The following LRRK1 variants were observed in gnomAD, a reference collection of about 807,000 sequenced individuals.
The protein encoded by LRRK1 is leucine-rich repeat serine/threonine-protein kinase 1.
A neutral mutation model predicts 209.1 loss-of-function variants in LRRK1; 113 were observed. The ratio of observed to expected loss-of-function variants is 0.54; its 90% CI spans 0.46 to 0.63. The LOEUF (loss-of-function observed/expected upper bound fraction) is 0.63, where lower values mean the gene tolerates loss of function less well. Ranked by LOEUF, LRRK1 falls within the 30% of genes least tolerant of loss-of-function variation. The probability of loss-of-function intolerance (pLI) is 0.00; values close to 1 mark genes in which losing one functional copy is unlikely to be tolerated. For missense variants in LRRK1, 2,284 were observed against 2,632.2 expected (o/e 0.87, Z 2.89); for synonymous variants, 1,144 against 1,099.7 (o/e 1.04, Z -0.80).
At chr15:100,963,023 A>G (rs1358289694) in intron 2 of LRRK1, among the ~76,000 whole-genome samples, 2 of 150,226 alleles carry the variant, frequency 1.3e-5, no homozygotes, top group Non-Finnish European at 3.0e-5. Flanking sequence ...GGGTTTCGCC[A>G]TGTTAGCCAG....
In LRRK1 at chr15:100,988,833, T is replaced by C. The variant is rs750543176; in HGVS notation, c.613+20T>C. ...AGTCAGGTGGGTTTCCCCACTACCC[T>C]GAGTCAACCCTGACCGTGCAAACCA... On this transcript the variant is annotated intron_variant, in intron 5 of 33. Coordinates refer to ENST00000388948, the MANE Select transcript of LRRK1 (RefSeq NM_024652.6). 1.3e-6 allele frequency: 2 copies of C among 1,574,336 alleles called. No homozygotes were observed. The highest frequency in any genetic ancestry group is 1.2e-5 in the South Asian group (1 of 85,294).
intron 21 of LRRK1, among the ~76,000 whole-genome samples, chr15:101,046,772 C>G (rs921315764): frequency 6.6e-6 from 1 of 152,232 alleles, no homozygotes; most frequent in South Asian, 2.1e-4. Flanking sequence ...CAGAACTGTA[C>G]GTTGGTTCTG....
intron 2 of LRRK1, among the ~76,000 whole-genome samples, chr15:100,936,695 G>A (rs1047594731): frequency 6.6e-6 from 1 of 152,164 alleles, no homozygotes; most frequent in African/African-American, 2.4e-5. Flanking sequence ...GGGCAACTTG[G>A]GGTCTGTGGG....
Position 100,988,332 on chromosome 15 carries a change from T to G in LRRK1, c.434-302T>G, listed in dbSNP as rs561086204. ...CCATCAAGTAGTCCCCAGTGTCTATTGTTCCCTTCTTTGTGTCCACGTGCA... is the reference window on the plus strand; with the variant it reads ...CCATCAAGTAGTCCCCAGTGTCTATGGTTCCCTTCTTTGTGTCCACGTGCA... On this transcript the variant is annotated intron_variant, in intron 4 of 33. Coordinates refer to ENST00000388948, the MANE Select transcript of LRRK1 (RefSeq NM_024652.6). 4.6e-5 allele frequency among the ~76,000 whole-genome samples: 7 copies of G among 152,292 alleles called. No homozygotes were observed. In the South Asian group the frequency reaches 8.3e-4, roughly 18 times the overall value.
At chr15:101,067,388 G>A in intron 33 of LRRK1, 1 of 437,582 alleles carries the variant, frequency 2.3e-6, no homozygotes. Context: ...GCCCCACACG[G>A]TAAATCTCCC....
At chr15:100,978,169 C>T (rs962054228) in intron 3 of LRRK1, among the ~76,000 whole-genome samples, 3 of 151,596 alleles carry the variant, frequency 2.0e-5, no homozygotes, top group African/African-American at 7.3e-5. Flanking sequence ...GAATACAGAA[C>T]AGTAGAAATT....
chr15:101,007,407 G>A (rs2033011913), intron 6 of LRRK1, among the ~76,000 whole-genome samples: 1 of 152,182 alleles, frequency 6.6e-6, no homozygotes, highest in African/African-American at 2.4e-5. Flanking sequence ...AAAGAGCAAA[G>A]TCCTGCTCCC....
At chr15:101,035,437 G>T (rs935396387) in intron 20 of LRRK1, among the ~76,000 whole-genome samples, 1 of 152,070 alleles carries the variant, frequency 6.6e-6, no homozygotes. Context: ...TTGACTTAAA[G>T]TCTGTTTTGT....
In LRRK1 at chr15:101,065,866, G is replaced by A. The variant is rs2036501336; in HGVS notation, c.5429G>A (p.Gly1810Glu). Reference sequence around the variant, plus strand: ...ACGGCCAACCCAAAGGTGCCTGAGGGGGACTCCATCGCGGACGTGAGCATC... The same window carrying A: ...ACGGCCAACCCAAAGGTGCCTGAGGAGGACTCCATCGCGGACGTGAGCATC... ...SHTANPKVPE[G>E]DSIADVSIMY... The change falls in exon 32 of 34, where the codon GGG (glycine) becomes GAG (glutamate). Residue 1810 changes from glycine (G) to glutamate (E), a missense_variant. Gly to Glu is a moderately conservative substitution (Grantham distance 98). This residue lies in a region of LRRK1 where 643 missense variants were observed against 695.9 expected (regional missense o/e 0.92). Transcript: ENST00000388948. 1 of 1,614,012 alleles carries A rather than the reference G, an allele frequency of 6.2e-7. No homozygotes were observed. The highest frequency in any genetic ancestry group is 1.3e-5 in the African/African-American group (1 of 74,914).
intron 15 of LRRK1, among the ~76,000 whole-genome samples, chr15:101,023,430 A>G (rs2033886516): frequency 6.6e-6 from 1 of 152,212 alleles, no homozygotes; most frequent in Non-Finnish European, 1.5e-5. Flanking sequence ...TGTAACAGAG[A>G]AAAGAGCCAT....
chr15:101,041,863 TAAC>T (rs1300578486), intron 20 of LRRK1, among the ~76,000 whole-genome samples: 1 of 152,136 alleles, frequency 6.6e-6, no homozygotes, highest in East Asian at 1.9e-4. Context: ...ACATAGAAAT[TAAC>T]AACAATAACA....
chr15:101,062,591 C>T lies in LRRK1; in HGVS notation c.4815C>T (p.Ile1605=). 1 of 1,613,616 alleles carries T rather than the reference C, an allele frequency of 6.2e-7. No homozygotes were observed. Among genetic ancestry groups the T allele is most frequent in the Non-Finnish European group, 8.5e-7 (1 of 1,179,484 alleles). ...WTATEDQKIY[I]YTLKGMCPLN... Reference sequence around the variant, plus strand: ...CTCTGCAGGACCAGAAAATCTACATCTACACCCTCAAGGGCATGTGCCCCT... The same window carrying T: ...CTCTGCAGGACCAGAAAATCTACATTTACACCCTCAAGGGCATGTGCCCCT... Residue 1605 remains isoleucine (I), a synonymous_variant, in exon 31 of 34, where the codon ATC becomes ATT. Transcript: ENST00000388948.
Position 101,066,634 on chromosome 15 carries a change from G to A in LRRK1, c.5769-6G>A. 6.2e-7 allele frequency: 1 copy of A among 1,613,978 alleles called. No homozygotes were observed. Among genetic ancestry groups the A allele is most frequent in the Non-Finnish European group, 8.5e-7 (1 of 1,179,816 alleles). On this transcript the variant is annotated splice_polypyrimidine_tract_variant and splice_region_variant and intron_variant, in intron 32 of 33. Transcript: ENST00000388948. The stretch of plus-strand genomic sequence containing the variant: ...TCGCTTCCCCTTCTGGGTTTTGGTT[G>A]CTTAGGCGCGGTGGAGATGTTATCG...
intron 33 of LRRK1, chr15:101,067,314 T>C (rs111609923): frequency 0.11 from 50,539 of 455,886 alleles, 3,329 homozygotes; most frequent in Non-Finnish European, 0.13. Flanking sequence ...ATGGTTGCAG[T>C]GATGTGAGGC....
intron 2 of LRRK1, among the ~76,000 whole-genome samples, chr15:100,969,020 T>C (rs1229303364): frequency 2.6e-5 from 4 of 152,132 alleles, no homozygotes; most frequent in Non-Finnish European, 5.9e-5. Context: ...TTTAAAATGT[T>C]TTGTAGAGAC....
rs922409625 is a variant in LRRK1, at chr15:100,985,681, G to A, written c.433+1982G>A. ...CTTTTGCAGAGCAGGAAGTGTGGCT[G>A]AACCTCGTCATGGTTTTCAACTGCT... On this transcript the variant is annotated intron_variant, in intron 4 of 33. Coordinates refer to ENST00000388948, the MANE Select transcript of LRRK1 (RefSeq NM_024652.6). 4.6e-5 allele frequency among the ~76,000 whole-genome samples: 7 copies of A among 152,232 alleles called. No individual in the cohort carries two copies. The East Asian group carries it at 5.8e-4, about 13-fold the overall frequency.
intron 6 of LRRK1, among the ~76,000 whole-genome samples, chr15:101,007,392 G>A (rs1993375): frequency 0.68 from 103,523 of 152,116 alleles, 35,376 homozygotes; most frequent in East Asian, 0.74. Context: ...TCGGTAATCA[G>A]GAAGAAAGAG....
intron 1 of LRRK1, among the ~76,000 whole-genome samples, chr15:100,923,560 G>A (rs2042056454): frequency 6.6e-6 from 1 of 152,178 alleles, no homozygotes; most frequent in South Asian, 2.1e-4. Context: ...CTCATGTCAG[G>A]CCTGAGCTAG....
intron 2 of LRRK1, among the ~76,000 whole-genome samples, chr15:100,967,098 C>T (rs1280134656): frequency 6.6e-6 from 1 of 152,170 alleles, no homozygotes; most frequent in Non-Finnish European, 1.5e-5. Context: ...TAATTAAGTG[C>T]CCCCATCTGA....
Sources: gnomAD v4.1 joint callset for allele counts (sites outside exome capture counted in the v4.1 genomes callset) on GRCh38, gnomAD v4.1.1 for gene constraint, gnomAD v4.1.1 regional missense constraint, MANE v1.5 for transcripts, NCBI Gene and HGNC (gene_info 2026-07-23, HGNC 2026-07-21) for gene names.